The following MIS18BP1 variants were observed in gnomAD, a reference collection of about 807,000 sequenced individuals.
MIS18BP1 encodes MIS18 binding protein 1, also known as mis18-binding protein 1.
In MIS18BP1, 72 loss-of-function variants were observed where a neutral mutation model predicts 116.1. That is an observed-to-expected ratio of 0.62 (90% CI 0.51 to 0.75). The LOEUF (loss-of-function observed/expected upper bound fraction) is 0.75. Among genes scored for constraint, MIS18BP1 ranks in the 30% least tolerant of loss-of-function variants. The probability of loss-of-function intolerance (pLI) is 0.00; values close to 1 mark genes in which losing one functional copy is unlikely to be tolerated. For synonymous variants in MIS18BP1, 386 were observed against 427.0 expected, an observed-to-expected ratio of 0.90 and a Z score of 1.18; for missense variants, 1,363 against 1,303.2, an observed-to-expected ratio of 1.05 and a Z score of -0.71.
intron 13 of MIS18BP1, among the ~76,000 whole-genome samples, chr14:45,213,065 TAAGTA>T (rs1890719463): frequency 6.6e-6 from 1 of 152,228 alleles, no homozygotes; most frequent in African/African-American, 2.4e-5. Flanking sequence ...AAAATTTTTA[TAAGTA>T]TTATTTAACA....
At chr14:45,248,603 T>C (rs555136473) in intron 1 of MIS18BP1, among the ~76,000 whole-genome samples, 4 of 152,204 alleles carry the variant, frequency 2.6e-5, no homozygotes, top group African/African-American at 9.6e-5. Context: ...AATTCTAACA[T>C]AGCCAGACCA....
chr14:45,210,222 A>G (rs1235500192), intron 14 of MIS18BP1, 158 bp downstream of exon 14: 6 of 693,420 alleles, frequency 8.7e-6, no homozygotes, highest in Non-Finnish European at 1.4e-5. Context: ...CCCCGATTTG[A>G]TGAACTTGTC....
At chr14:45,240,427 T>C (rs1413074850) in intron 4 of MIS18BP1, among the ~76,000 whole-genome samples, 1 of 152,006 alleles carries the variant, frequency 6.6e-6, no homozygotes, top group African/African-American at 2.4e-5. Flanking sequence ...GTAAGGACAT[T>C]GCCCTTTCAA....
rs756701401 is a variant in MIS18BP1, at chr14:45,206,120, T to C, written c.3203A>G (p.Asn1068Ser). Reference protein sequence around the residue: ...VFRMQKYHKSNGGIVWGNIKK... With the variant: ...VFRMQKYHKSSGGIVWGNIKK... ...GATGTTGCCCCAGACAATACCACCA[T>C]TACTTTTATGATATTTTTGCATACG... The change falls in exon 15 of 17, where the codon AAT (asparagine) becomes AGT (serine). Residue 1068 changes from asparagine (N) to serine (S), a missense_variant. Asn to Ser is a conservative substitution (Grantham distance 46). Transcript: ENST00000310806. The C allele has an allele frequency of 6.2e-7, 1 of 1,608,952 alleles. No individual in the cohort carries two copies. The highest frequency in any genetic ancestry group is 8.5e-7 in the Non-Finnish European group (1 of 1,175,866).
rs770194411 is a variant in MIS18BP1 at position 45,242,762 on chromosome 14, G to A, written c.657C>T (p.Tyr219=). The change falls in exon 3 of 17, where the codon TAC becomes TAT. Residue 219 remains tyrosine, a splice_region_variant and synonymous_variant. Transcript: ENST00000310806. ...GAAAACAAACCAAAAATAGTTTACC[G>A]TAAGTTAAATTGTGCAGTGGTGCTT... ...EKKAPLHNLT[Y]ELPTLNQEQE... 1.1e-5 allele frequency: 17 copies of A among 1,599,518 alleles called. No homozygotes were observed. Among genetic ancestry groups the A allele is most frequent in the Admixed American group, 1.8e-5 (1 of 56,802 alleles).
intron 15 of MIS18BP1, 35 bp downstream of exon 15, chr14:45,206,048 T>G: frequency 7.3e-7 from 1 of 1,371,450 alleles, no homozygotes; most frequent in Non-Finnish European, 1.0e-6. Flanking sequence ...TAAAGTTGTT[T>G]CATAGATATG....
Position 45,228,060 on chromosome 14 carries a change from G to T in MIS18BP1, c.1595-246C>A, listed in dbSNP as rs144861807. ...AGCCTATGGTCCCAGATACTTGGGA[G>T]CCTGAGGTGGGAGGATCACTTGAGC... On this transcript the variant is annotated intron_variant, in intron 8 of 16. Coordinates refer to ENST00000310806, the MANE Select transcript of MIS18BP1 (RefSeq NM_018353.5). Among the ~76,000 whole-genome samples the T allele has an allele frequency of 5.7e-3, 864 of 152,244 alleles. 8 individuals are homozygous for T. Among genetic ancestry groups the T allele is most frequent in the African/African-American group, 0.02 (819 of 41,538 alleles).
At chr14:45,251,409 A>G (rs1346097101) in intron 1 of MIS18BP1, among the ~76,000 whole-genome samples, 2 of 152,220 alleles carry the variant, frequency 1.3e-5, no homozygotes, top group Non-Finnish European at 2.9e-5. Context: ...ATATATAAAT[A>G]CAGAACTGAA....
rs768073756 is a variant in MIS18BP1 at position 45,242,115 on chromosome 14, A to G, written c.1062T>C (p.Pro354=). 5 of 1,613,846 alleles carry G rather than the reference A, an allele frequency of 3.1e-6. No homozygotes were observed. In the African/African-American group the frequency reaches 6.7e-5, roughly 22 times the overall value. Residue 354 remains proline, a synonymous_variant, in exon 4 of 17, where the codon CCT becomes CCC. Transcript: ENST00000310806. ...LATPRLHITI[P]RRSKRNISKL... ...TTGAAATATTTCTTTTTGACCTCCG[A>G]GGTATTGTTATATGAAGTCTTGGTG...
At chr14:45,206,939 A>G (rs1890535063) in intron 14 of MIS18BP1, among the ~76,000 whole-genome samples, 1 of 151,996 alleles carries the variant, frequency 6.6e-6, no homozygotes, top group Non-Finnish European at 1.5e-5. Context: ...AATTTTTCCA[A>G]CTGTGCTGGG....
chr14:45,227,542 C>T (rs1891154933), intron 9 of MIS18BP1, 121 bp downstream of exon 9: 1 of 839,038 alleles, frequency 1.2e-6, no homozygotes. Context: ...GAGACTCCAT[C>T]TCAAAAGAAA....
rs1477563614 is a variant in MIS18BP1, at chr14:45,232,818, A to G, written c.1351T>C (p.Tyr451His). The change falls in exon 7 of 17, where the codon TAT becomes CAT. Residue 451 changes from tyrosine (Y) to histidine (H), a missense_variant and splice_region_variant. Tyr to His is a moderately conservative substitution (Grantham distance 83, BLOSUM62 2). Coordinates refer to ENST00000310806, the MANE Select transcript of MIS18BP1 (RefSeq NM_018353.5). ...IDQISMKEAGYPNYLIRKFMF... is the reference protein window; with the variant it reads ...IDQISMKEAGHPNYLIRKFMF... ...AATTTCCTTATGAGATAATTTGGATATCCTATTTAAGGATAAACAACAACA... is the reference window on the plus strand; with the variant it reads ...AATTTCCTTATGAGATAATTTGGATGTCCTATTTAAGGATAAACAACAACA... The G allele has an allele frequency of 2.2e-6, 3 of 1,364,748 alleles. No homozygotes were observed. The highest frequency in any genetic ancestry group is 3.0e-6 in the Non-Finnish European group (3 of 983,800). 84.5% of individuals were successfully genotyped at this position (1,364,748 alleles called of 1,614,324 possible). A position where few individuals can be genotyped will look rare whatever the true frequency, so the allele number is the denominator to read the frequency against.
At chr14:45,213,579 C>A (rs1279967071) in intron 13 of MIS18BP1, among the ~76,000 whole-genome samples, 1 of 152,214 alleles carries the variant, frequency 6.6e-6, no homozygotes, top group Non-Finnish European at 1.5e-5. Flanking sequence ...GTCCTAACTA[C>A]TCAACTCTGC....
intron 6 of MIS18BP1, among the ~76,000 whole-genome samples, chr14:45,234,335 G>A (rs1891366588): frequency 6.6e-6 from 1 of 151,716 alleles, no homozygotes; most frequent in East Asian, 1.9e-4. Flanking sequence ...AAGGAGAAAT[G>A]TGGTTAAAAG....
intron 11 of MIS18BP1, among the ~76,000 whole-genome samples, chr14:45,219,493 C>CAT (rs139375844): frequency 1.3e-4 from 19 of 151,656 alleles, no homozygotes; most frequent in South Asian, 4.2e-4. Flanking sequence ...GTCTCAAGAG[C>CAT]ATATATATAT....
intron 12 of MIS18BP1, among the ~76,000 whole-genome samples, chr14:45,217,478 T>G (rs1028642021): frequency 7.9e-5 from 12 of 152,180 alleles, no homozygotes; most frequent in Non-Finnish European, 1.8e-4. Flanking sequence ...GCCTGTTATT[T>G]TACAAGTCTC....
At chr14:45,239,124 A>C (rs374009571) in intron 4 of MIS18BP1, among the ~76,000 whole-genome samples, 88 of 152,308 alleles carry the variant, frequency 5.8e-4, no homozygotes, top group African/African-American at 1.8e-3. Context: ...ATAAGATATC[A>C]AAATGTTCAT....
At chr14:45,235,982 T>A in intron 5 of MIS18BP1, 38 bp from the exon 6 acceptor site, 2 of 1,526,922 alleles carry the variant, frequency 1.3e-6, no homozygotes, top group Non-Finnish European at 8.9e-7. Context: ...GTCAAAATAT[T>A]CATATAGAAA....
chr14:45,226,286 CA>C (rs1205712186), intron 10 of MIS18BP1, among the ~76,000 whole-genome samples: 1 of 151,904 alleles, frequency 6.6e-6, no homozygotes, highest in Non-Finnish European at 1.5e-5. Context: ...AAATAAAACA[CA>C]AAAAAATGCT....
Sources: allele counts gnomAD v4.1 joint callset (sites outside exome capture counted in the v4.1 genomes callset), GRCh38; gene constraint gnomAD v4.1.1; transcripts MANE v1.5; gene names NCBI Gene and HGNC (gene_info 2026-07-23, HGNC 2026-07-21).